CDC42EP3: variants seen among roughly 807,000 people sequenced by gnomAD.
CDC42EP3 encodes the protein CDC42 effector protein 3.
Under a neutral mutation model 15.5 loss-of-function variants are expected in CDC42EP3, and 4 were observed. That is an observed-to-expected ratio of 0.26 (90% CI 0.13 to 0.59). CDC42EP3 has a LOEUF of 0.59. Among genes scored for constraint, CDC42EP3 ranks in the 20% least tolerant of loss-of-function variants. CDC42EP3 has a pLI of 0.89. For synonymous variants in CDC42EP3, 145 were observed against 130.3 expected, an observed-to-expected ratio of 1.11 and a Z score of -0.77; for missense variants, 309 against 311.2, an observed-to-expected ratio of 0.99 and a Z score of 0.05.
rs146646859 is a variant in CDC42EP3, at chr2:37,658,248, A to G, written c.-235-11426T>C. On this transcript the variant is annotated intron_variant, in intron 1 of 1. Transcript: ENST00000295324. ...ATACAGTCCATGATGAGATAAGAAC[A>G]GAAGTTGGAAGCAAGATCTTTTTGA... Among the ~76,000 whole-genome samples, 715 of 152,364 alleles carry G rather than the reference A, an allele frequency of 4.7e-3. 2 individuals are homozygous for G. Among genetic ancestry groups the G allele is most frequent in the Non-Finnish European group, 8.2e-3 (555 of 68,036 alleles).
chr2:37,656,985 CCCCCACCCCCCG>C lies in CDC42EP3; in HGVS notation c.-235-10175_-235-10164del, dbSNP rs1457232634. ...TGAATTGTAAAGTAACAAAGCCCCC[CCCCCACCCCCCG>C]CCCCCCGCCATCCTCGAGGAGAAAA... On this transcript the variant is annotated intron_variant, in intron 1 of 1. Coordinates refer to ENST00000295324, the MANE Select transcript of CDC42EP3 (RefSeq NM_006449.5). 8.1e-4 allele frequency among the ~76,000 whole-genome samples: 71 copies of C among 87,508 alleles called. 3 individuals carry two copies. The highest frequency in any genetic ancestry group is 3.8e-3 in the African/African-American group (68 of 17,672). 57.4% of individuals were successfully genotyped at this position (87,508 alleles called of 152,430 possible).
intron 1 of CDC42EP3, among the ~76,000 whole-genome samples, chr2:37,649,222 A>G (rs1177952820): frequency 1.3e-5 from 2 of 152,016 alleles, no homozygotes; most frequent in African/African-American, 4.8e-5. Context: ...AGGCTGAAGC[A>G]GGAGGACTGA....
At chr2:37,661,097 AGTGTGTGTGTACAGTGTGTGT>A (rs1558342092) in intron 1 of CDC42EP3, among the ~76,000 whole-genome samples, 3 of 136,056 alleles carry the variant, frequency 2.2e-5, no homozygotes, top group African/African-American at 8.3e-5. Flanking sequence ...TACTATATAT[AGTGTGTGTGTACAGTGTGTGT>A]GTGTGTGTGT....
At chr2:37,667,762 A>G (rs1359518525) in intron 1 of CDC42EP3, among the ~76,000 whole-genome samples, 1 of 152,268 alleles carries the variant, frequency 6.6e-6, no homozygotes, top group Non-Finnish European at 1.5e-5. Flanking sequence ...GCCAAAAGTC[A>G]TAACAAAAAT....
At chr2:37,653,411 A>G (rs188128559) in intron 1 of CDC42EP3, among the ~76,000 whole-genome samples, 1 of 152,358 alleles carries the variant, frequency 6.6e-6, no homozygotes, top group Non-Finnish European at 1.5e-5. Flanking sequence ...ACTGAAGCGT[A>G]AATGACAGTG....
In CDC42EP3 at chr2:37,645,785, T is replaced by G; in HGVS notation, c.*38A>C. On this transcript the variant is annotated 3_prime_UTR_variant, in exon 2 of 2. Transcript: ENST00000295324. ...TCTTCAACTGTGGTTAGTTTGTTTT[T>G]GTACCTTTTACCCCAAAGGAAAAAA... 1 of 1,490,340 alleles carries G rather than the reference T, an allele frequency of 6.7e-7. No individual in the cohort carries two copies. The highest frequency in any genetic ancestry group is 9.0e-7 in the Non-Finnish European group (1 of 1,116,376). The allele number at this position is 1,490,340 out of a possible 1,614,324, so 92.3% of individuals were successfully genotyped here.
intron 1 of CDC42EP3, among the ~76,000 whole-genome samples, chr2:37,654,373 A>G (rs1047692330): frequency 9.9e-5 from 15 of 152,202 alleles, no homozygotes; most frequent in South Asian, 4.1e-4. Context: ...AAGAGAACTC[A>G]TAGAAAGAGA....
At position 37,642,091 on chromosome 2, in the gene CDC42EP3, C is replaced by T. The variant is rs1665286154; in HGVS notation, c.*3732G>A. 1 of 152,148 alleles carries T rather than the reference C, an allele frequency of 6.6e-6. No homozygotes were observed. Among genetic ancestry groups the T allele is most frequent in the Admixed American group, 6.5e-5 (1 of 15,280 alleles). 9.4% of individuals were successfully genotyped at this position (152,148 alleles called of 1,614,324 possible). A position where few individuals can be genotyped will look rare whatever the true frequency, so the allele number is the denominator to read the frequency against. ...GCTGAAAAATATTTAGATCTACTTGCTCTAAGAATAAGGTCAACATTAAAC... is the reference window on the plus strand; with the variant it reads ...GCTGAAAAATATTTAGATCTACTTGTTCTAAGAATAAGGTCAACATTAAAC... On this transcript the variant is annotated 3_prime_UTR_variant, in exon 2 of 2. Transcript: ENST00000295324.
intron 1 of CDC42EP3, among the ~76,000 whole-genome samples, chr2:37,669,417 G>A (rs1306772750): frequency 6.6e-6 from 1 of 152,166 alleles, no homozygotes; most frequent in African/African-American, 2.4e-5. Flanking sequence ...GAACTCATGT[G>A]AGCCCTTCTG....
At chr2:37,656,173 C>T (rs1046561056) in intron 1 of CDC42EP3, among the ~76,000 whole-genome samples, 3 of 152,212 alleles carry the variant, frequency 2.0e-5, no homozygotes, top group African/African-American at 7.2e-5. Flanking sequence ...TGTATGATAC[C>T]AGCACTGGCT....
chr2:37,666,599 C>T (rs1188672630), intron 1 of CDC42EP3, among the ~76,000 whole-genome samples: 2 of 152,212 alleles, frequency 1.3e-5, no homozygotes, highest in African/African-American at 4.8e-5. Context: ...GCAGTAAGGA[C>T]TAAGCAAACA....
intron 1 of CDC42EP3, among the ~76,000 whole-genome samples, chr2:37,667,416 G>A (rs909297054): frequency 5.9e-5 from 9 of 152,104 alleles, no homozygotes; most frequent in African/African-American, 1.7e-4. Flanking sequence ...CTGCAACCCC[G>A]GGCTCCCCAG....
At position 37,644,926 on chromosome 2, in the gene CDC42EP3, CAT is replaced by C. The variant is rs1370214046; in HGVS notation, c.*895_*896del. 1.3e-5 allele frequency: 2 copies of C among 152,140 alleles called. No homozygotes were observed. The highest frequency in any genetic ancestry group is 2.9e-5 in the Non-Finnish European group (2 of 68,030). The allele number at this position is 152,140 out of a possible 1,614,324, so 9.4% of individuals were successfully genotyped here. A position where few individuals can be genotyped will look rare whatever the true frequency, so the allele number is the denominator to read the frequency against. ...CTAAAATACCTATATTTCCAAATAA[CAT>C]ATGTGGTGTAGCCCACAGTCTCTGC... On this transcript the variant is annotated 3_prime_UTR_variant, in exon 2 of 2. Coordinates refer to ENST00000295324, the MANE Select transcript of CDC42EP3 (RefSeq NM_006449.5).
rs1665404739 is a variant in CDC42EP3 at position 37,645,025 on chromosome 2, C to G, written c.*798G>C. ...TTGGTTGCTGTTAAAAGTATGATAACAGATGAAGAAAAAAAAACTAAGTAT... is the reference window on the plus strand; with the variant it reads ...TTGGTTGCTGTTAAAAGTATGATAAGAGATGAAGAAAAAAAAACTAAGTAT... On this transcript the variant is annotated 3_prime_UTR_variant, in exon 2 of 2. Transcript: ENST00000295324. The G allele has an allele frequency of 6.6e-6, 1 of 151,844 alleles. No individual in the cohort carries two copies. The highest frequency in any genetic ancestry group is 2.1e-4 in the South Asian group (1 of 4,824). 9.4% of individuals were successfully genotyped at this position (151,844 alleles called of 1,614,324 possible).
chr2:37,656,456 C>A (rs1007419996), intron 1 of CDC42EP3, among the ~76,000 whole-genome samples: 2 of 152,190 alleles, frequency 1.3e-5, no homozygotes, highest in South Asian at 4.1e-4. Flanking sequence ...GGGGGCCAAA[C>A]CCTAGAGCAA....
At chr2:37,663,612 C>T (rs1666151036) in intron 1 of CDC42EP3, among the ~76,000 whole-genome samples, 1 of 152,232 alleles carries the variant, frequency 6.6e-6, no homozygotes, top group African/African-American at 2.4e-5. Context: ...TCACCACAAC[C>T]AAATGACTGG....
At chr2:37,672,039 G>T (rs931415225), upstream of CDC42EP3, 5 of 152,206 alleles carry the variant, frequency 3.3e-5, no homozygotes, top group Admixed American at 1.3e-4. Context: ...CCGGACTCCC[G>T]CACTAAAACT....
At position 37,642,073 on chromosome 2, in the gene CDC42EP3, A is replaced by G. The variant is rs182303452; in HGVS notation, c.*3750T>C. 1.4e-3 allele frequency: 209 copies of G among 152,328 alleles called. No homozygotes were observed. The highest frequency in any genetic ancestry group is 0.01 in the Middle Eastern group (3 of 294). 9.4% of individuals were successfully genotyped at this position (152,328 alleles called of 1,614,324 possible). On this transcript the variant is annotated 3_prime_UTR_variant, in exon 2 of 2. Coordinates refer to ENST00000295324, the MANE Select transcript of CDC42EP3 (RefSeq NM_006449.5). The stretch of plus-strand genomic sequence containing the variant: ...TGACTCCCTAATAACTCAGCTGAAA[A>G]ATATTTAGATCTACTTGCTCTAAGA...
At chr2:37,664,537 C>A (rs1025621176) in intron 1 of CDC42EP3, among the ~76,000 whole-genome samples, 3 of 151,764 alleles carry the variant, frequency 2.0e-5, no homozygotes, top group Admixed American at 6.6e-5. Context: ...AGTCTTGTCC[C>A]TCTAGAGAAC....
Sources: gnomAD v4.1 joint callset for allele counts (sites outside exome capture counted in the v4.1 genomes callset) on GRCh38, gnomAD v4.1.1 for gene constraint, MANE v1.5 for transcripts, NCBI Gene and HGNC (gene_info 2026-07-23, HGNC 2026-07-21) for gene names.